Variants in BRAF observed in about 807,000 individuals in gnomAD.
BRAF encodes the protein serine/threonine-protein kinase B-raf.
In BRAF, 16 loss-of-function variants were observed where a neutral mutation model predicts 104.6. The ratio of observed to expected loss-of-function variants is 0.15; its 90% confidence interval spans 0.10 to 0.23. The LOEUF is 0.23. Ranked by LOEUF, BRAF falls within the 10% of genes least tolerant of loss-of-function variation. BRAF has a pLI of 1.00. For synonymous variants in BRAF, 310 were observed against 341.6 expected (o/e 0.91, Z 1.02); for missense variants, 541 against 937.3 (o/e 0.58, Z 5.52).
At position 140,725,477 on chromosome 7, in the gene BRAF, TAGAAA is replaced by T. The variant is rs1795548381; in HGVS notation, c.*1012_*1016del. The T allele has an allele frequency of 1.1e-6, 1 of 938,720 alleles. No individual in the cohort carries two copies. Among genetic ancestry groups the T allele is most frequent in the South Asian group, 5.1e-5 (1 of 19,612 alleles). 58.1% of individuals were successfully genotyped at this position (938,720 alleles called of 1,614,324 possible). ...AAAATTATTTTCTTTTTAATAAAAA[TAGAAA>T]AGAAGAAACTCAGAAATTAAAACCT... On this transcript the variant is annotated 3_prime_UTR_variant, in exon 20 of 20. Transcript: ENST00000644969.
At position 140,768,624 on chromosome 7, in the gene BRAF, T is replaced by C. The variant is rs955000466; in HGVS notation, c.1814+8288A>G. ...TCCTCCTGCCTCAGCCTCCAGAGTA[T>C]CTGGGGCTACAGGAGTGTGCTACCA... On this transcript the variant is annotated intron_variant, in intron 14 of 19. Coordinates refer to ENST00000644969, the MANE Select transcript of BRAF (RefSeq NM_001374258.1). Among the ~76,000 whole-genome samples, 16 of 152,018 alleles carry C rather than the reference T, an allele frequency of 1.1e-4. 1 individual carries two copies. The highest frequency in any genetic ancestry group is 6.6e-4 in the Admixed American group (10 of 15,266).
intron 3 of BRAF, among the ~76,000 whole-genome samples, chr7:140,825,287 A>G (rs1460760926): frequency 1.3e-5 from 2 of 152,002 alleles, no homozygotes; most frequent in Admixed American, 1.3e-4. Flanking sequence ...CTTACTATTG[A>G]GCTTTCAGAG....
In BRAF at chr7:140,720,645, C is replaced by T. The variant is rs193200573; in HGVS notation, c.*5849G>A. 1.2e-5 allele frequency: 13 copies of T among 1,065,574 alleles called. No homozygotes were observed. In the Admixed American group the frequency reaches 5.9e-4, roughly 48 times the overall value. The allele number at this position is 1,065,574 out of a possible 1,614,324, so 66.0% of individuals were successfully genotyped here. ...TTCCCACCCTCACATTAATTTTTCC[C>T]TATCCTAGATTTACTGCCACCTCAC... On this transcript the variant is annotated 3_prime_UTR_variant, in exon 20 of 20. Transcript: ENST00000644969.
intron 1 of BRAF, among the ~76,000 whole-genome samples, chr7:140,899,797 A>G (rs776605932): frequency 2.0e-5 from 3 of 152,134 alleles, no homozygotes; most frequent in Admixed American, 1.3e-4. Flanking sequence ...GCTCCCAATG[A>G]TCCTCACCCT....
chr7:140,855,025 T>TA (rs1317493088), intron 1 of BRAF, among the ~76,000 whole-genome samples: 3 of 152,146 alleles, frequency 2.0e-5, no homozygotes, highest in Non-Finnish European at 2.9e-5. Context: ...TCAGGTTTTT[T>TA]ATCTCCCCAA....
chr7:140,915,156 T>C (rs1027380304), intron 1 of BRAF, among the ~76,000 whole-genome samples: 8 of 145,908 alleles, frequency 5.5e-5, no homozygotes, highest in African/African-American at 2.0e-4. Context: ...TAAGCCAAAA[T>C]AGAAATTTAT....
In BRAF at chr7:140,722,495, C is replaced by G; in HGVS notation, c.*3999G>C. 14 of 1,056,330 alleles carry G rather than the reference C, an allele frequency of 1.3e-5. No individual in the cohort carries two copies. Among genetic ancestry groups the G allele is most frequent in the Non-Finnish European group, 1.6e-5 (14 of 873,620 alleles). 65.4% of individuals were successfully genotyped at this position (1,056,330 alleles called of 1,614,324 possible). On this transcript the variant is annotated 3_prime_UTR_variant, in exon 20 of 20. Transcript: ENST00000644969. Reference sequence around the variant, plus strand: ...TAGAGCCTCACCTACACCATTTCAACTCATGACCTGTAAGCTATTTGCTGT... The same window carrying G: ...TAGAGCCTCACCTACACCATTTCAAGTCATGACCTGTAAGCTATTTGCTGT...
chr7:140,874,526 A>G (rs1248230434), intron 1 of BRAF, among the ~76,000 whole-genome samples: 1 of 145,604 alleles, frequency 6.9e-6, no homozygotes, highest in Non-Finnish European at 1.5e-5. Context: ...TTTAAAAGAA[A>G]AAAAGTAAAA....
intron 1 of BRAF, among the ~76,000 whole-genome samples, chr7:140,909,674 C>CT (rs1262472858): frequency 1.3e-5 from 2 of 152,126 alleles, no homozygotes; most frequent in Non-Finnish European, 2.9e-5. Flanking sequence ...TGAACAAAAA[C>CT]TTTAACATTC....
intron 2 of BRAF, among the ~76,000 whole-genome samples, chr7:140,843,388 T>C (rs1392313417): frequency 6.6e-6 from 1 of 152,250 alleles, no homozygotes. Context: ...ATCTGACAAC[T>C]GACCTGTGTA....
At chr7:140,839,741 GATAAAAGA>G (rs1346970178) in intron 2 of BRAF, among the ~76,000 whole-genome samples, 3 of 152,246 alleles carry the variant, frequency 2.0e-5, no homozygotes, top group African/African-American at 7.2e-5. Context: ...AAAAGAAAAA[GATAAAAGA>G]ATAAAAGAAA....
intron 11 of BRAF, among the ~76,000 whole-genome samples, chr7:140,782,742 G>A (rs770696277): frequency 5.3e-5 from 8 of 151,960 alleles, no homozygotes; most frequent in Admixed American, 3.9e-4. Context: ...CAGCCTTTTC[G>A]TGCCTTCTAA....
intron 18 of BRAF, among the ~76,000 whole-genome samples, chr7:140,735,936 T>C (rs533517753): frequency 5.9e-5 from 9 of 152,192 alleles, no homozygotes; most frequent in Admixed American, 4.6e-4. Context: ...AAGTAAGCAG[T>C]TGCAAAAAAT....
At chr7:140,750,009 A>G (rs905063620) in intron 16 of BRAF, among the ~76,000 whole-genome samples, 10 of 152,240 alleles carry the variant, frequency 6.6e-5, no homozygotes, top group African/African-American at 2.4e-4. Context: ...AGGTAGATTT[A>G]GTAAAAGATG....
At chr7:140,831,755 G>A (rs1378913944) in intron 3 of BRAF, among the ~76,000 whole-genome samples, 1 of 151,974 alleles carries the variant, frequency 6.6e-6, no homozygotes, top group African/African-American at 2.4e-5. Flanking sequence ...GTTTGTTTTG[G>A]TTCTCCACAG....
In BRAF at chr7:140,913,290, G is replaced by C. The variant is rs182587326; in HGVS notation, c.138+11276C>G. Among the ~76,000 whole-genome samples the C allele has an allele frequency of 1.1e-4, 16 of 152,030 alleles. No homozygotes were observed. The East Asian group carries it at 1.5e-3, about 15-fold the overall frequency. On this transcript the variant is annotated intron_variant, in intron 1 of 19. Transcript: ENST00000644969. ...CCTCCACTGGACAGCAGCTACATAA[G>C]GGTAGAGACCTTTGTTTTGTTTTCA...
chr7:140,726,487 A>ATGG lies in BRAF; in HGVS notation c.*4_*6dup. The stretch of plus-strand genomic sequence containing the variant: ...AGAAATAAGAGCAGATGCTGCCATG[A>ATGG]TGGTGGCTACTTGAAGGCTGCAAAT... On this transcript the variant is annotated 3_prime_UTR_variant, in exon 20 of 20. Transcript: ENST00000644969. The ATGG allele has an allele frequency of 6.5e-7, 1 of 1,536,510 alleles. No homozygotes were observed.
At chr7:140,805,516 C>T (rs1803572446) in intron 5 of BRAF, among the ~76,000 whole-genome samples, 1 of 151,700 alleles carries the variant, frequency 6.6e-6, no homozygotes, top group African/African-American at 2.4e-5. Context: ...AAGATGAGCA[C>T]AGGAAGATAT....
At chr7:140,911,885 CCAAATG>C (rs1267370318) in intron 1 of BRAF, among the ~76,000 whole-genome samples, 4 of 152,246 alleles carry the variant, frequency 2.6e-5, no homozygotes, top group African/African-American at 9.6e-5. Context: ...ATGTTTGAGT[CCAAATG>C]AAAATGACTC....
Sources: allele counts gnomAD v4.1 joint callset (sites outside exome capture counted in the v4.1 genomes callset), GRCh38; gene constraint gnomAD v4.1.1; transcripts MANE v1.5; gene names NCBI Gene and HGNC (gene_info 2026-07-23, HGNC 2026-07-21).